The following PCDHGA4 variants were observed in gnomAD, a reference collection of about 807,000 sequenced individuals.
PCDHGA4 encodes protocadherin gamma subfamily A, 4, also known as protocadherin gamma-A4.
Under a neutral mutation model 54.6 loss-of-function variants are expected in PCDHGA4, and 38 were observed. The ratio of observed to expected loss-of-function variants is 0.70; its 90% CI spans 0.54 to 0.91. PCDHGA4 has a LOEUF of 0.91. Ranked by LOEUF, PCDHGA4 falls within the 40% of genes least tolerant of loss-of-function variation. The probability of loss-of-function intolerance (pLI) is 0.00; values close to 1 mark genes in which losing one functional copy is unlikely to be tolerated. For missense variants in PCDHGA4, 1,298 were observed against 1,220.9 expected (o/e 1.06, Z -0.94); for synonymous variants, 511 against 512.9 (o/e 1.00, Z 0.05).
chr5:141,473,988 G>A (rs1006988447), intron 1 of PCDHGA4, among the ~76,000 whole-genome samples: 1 of 152,118 alleles, frequency 6.6e-6, no homozygotes, highest in African/African-American at 2.4e-5. Flanking sequence ...AGGATCCCTT[G>A]AGCCCAAGGA....
chr5:141,436,035 A>G (rs957896521), intron 1 of PCDHGA4, among the ~76,000 whole-genome samples: 3 of 152,178 alleles, frequency 2.0e-5, no homozygotes, highest in Non-Finnish European at 4.4e-5. Flanking sequence ...CTAAATTTGT[A>G]TTTACATTAG....
At chr5:141,387,320 A>C (rs1461293740) in intron 1 of PCDHGA4, among the ~76,000 whole-genome samples, 1 of 152,234 alleles carries the variant, frequency 6.6e-6, no homozygotes, top group East Asian at 1.9e-4. Flanking sequence ...ATGAGTAAGT[A>C]TGGAAAATTA....
At position 141,432,716 on chromosome 5, in the gene PCDHGA4, C is replaced by A; in HGVS notation, c.2515-62091C>A. 6.2e-7 allele frequency: 1 copy of A among 1,614,030 alleles called. No individual in the cohort carries two copies. The highest frequency in any genetic ancestry group is 1.1e-5 in the South Asian group (1 of 91,084). ...GGCCGTCCAGGACCACGGCCAGCCC[C>A]CTCTCTCCGCCACTGTCACGCTCAC... On this transcript the variant is annotated intron_variant, in intron 1 of 3. Transcript: ENST00000571252. This position sits in a 1 kb window ranked among gnomAD's most constrained non-coding sequence, Gnocchi z 6.0.
intron 1 of PCDHGA4, chr5:141,389,400 AGCGC>A (rs2150385005): frequency 1.2e-6 from 2 of 1,613,622 alleles, no homozygotes; most frequent in African/African-American, 2.7e-5. Flanking sequence ...CGTGTCCATA[AGCGC>A]GGAGAGCGGG....
At chr5:141,464,413 A>G (rs2099083422) in intron 1 of PCDHGA4, among the ~76,000 whole-genome samples, 1 of 151,632 alleles carries the variant, frequency 6.6e-6, no homozygotes, top group African/African-American at 2.4e-5. Context: ...ATATATATAT[A>G]TCTATATATA....
chr5:141,389,785 A>ACGCCGTCCGCCAGCGCCTTCTGGT (rs780757695), intron 1 of PCDHGA4: 1 of 1,613,332 alleles, frequency 6.2e-7, no homozygotes, highest in South Asian at 1.1e-5. Flanking sequence ...GGCGACAGGG[A>ACGCCGTCCGCCAGCGCCTTCTGGT]CGCCGTCCGC....
At chr5:141,363,465 C>T (rs1176309581) in intron 1 of PCDHGA4, among the ~76,000 whole-genome samples, 1 of 152,220 alleles carries the variant, frequency 6.6e-6, no homozygotes, top group Non-Finnish European at 1.5e-5. Flanking sequence ...CAAGTATCTG[C>T]TCATGCTTTC....
At chr5:141,410,846 TGTC>T (rs1025068052) in intron 1 of PCDHGA4, 5 of 423,660 alleles carry the variant, frequency 1.2e-5, no homozygotes, top group South Asian at 4.0e-5. Flanking sequence ...ATTTTGTCTT[TGTC>T]TTTTTTTTTT....
chr5:141,372,735 C>T, intron 1 of PCDHGA4: 1 of 1,613,346 alleles, frequency 6.2e-7, no homozygotes, highest in African/African-American at 1.3e-5. Flanking sequence ...ACAAGATCTT[C>T]TATGTGATGA....
In PCDHGA4 at chr5:141,356,712, T is replaced by C; in HGVS notation, c.1605T>C (p.Tyr535=). The part of the protein sequence containing the change: ...DTFQGAPLSS[Y]VSINSNTGIL... Reference sequence around the variant, plus strand: ...TCCAGGGTGCACCTCTGTCCTCCTATGTCTCCATCAACTCCAATACAGGGA... The same window carrying C: ...TCCAGGGTGCACCTCTGTCCTCCTACGTCTCCATCAACTCCAATACAGGGA... The change falls in exon 1 of 4, where the codon TAT becomes TAC. Residue 535 remains tyrosine, a synonymous_variant. Coordinates refer to ENST00000571252, the MANE Select transcript of PCDHGA4 (RefSeq NM_018917.4). 3 of 1,614,032 alleles carry C rather than the reference T, an allele frequency of 1.9e-6. No homozygotes were observed. The highest frequency in any genetic ancestry group is 1.7e-6 in the Non-Finnish European group (2 of 1,179,878).
chr5:141,376,438 T>C lies in PCDHGA4; in HGVS notation c.2514+18817T>C, dbSNP rs752669729. 6.2e-6 allele frequency: 10 copies of C among 1,614,058 alleles called. No homozygotes were observed. The Admixed American group carries it at 8.3e-5, about 13-fold the overall frequency. On this transcript the variant is annotated intron_variant, in intron 1 of 3. Coordinates refer to ENST00000571252, the MANE Select transcript of PCDHGA4 (RefSeq NM_018917.4). ...ACACGCTTATCAACCAGGAGAGCTA[T>C]GAGAAAAGCGAGCCTCTTCTGATAA...
intron 1 of PCDHGA4, chr5:141,422,767 G>T: frequency 6.2e-7 from 1 of 1,613,786 alleles, no homozygotes; most frequent in Non-Finnish European, 8.5e-7. Context: ...CAACACTGGT[G>T]TTCTCTATGC....
chr5:141,399,639 C>A lies in PCDHGA4; in HGVS notation c.2514+42018C>A, dbSNP rs1405309490. On this transcript the variant is annotated intron_variant, in intron 1 of 3. Transcript: ENST00000571252. ...CACTGGCCTCTTACGTGTCCATGAG[C>A]GCGCAAAGTGGGGTGGTGTTCGCGC... 5 of 1,613,858 alleles carry A rather than the reference C, an allele frequency of 3.1e-6. No individual in the cohort carries two copies. The highest frequency in any genetic ancestry group is 3.4e-6 in the Non-Finnish European group (4 of 1,179,886).
At chr5:141,365,047 G>C in intron 1 of PCDHGA4, 2 of 1,613,804 alleles carry the variant, frequency 1.2e-6, no homozygotes, top group Non-Finnish European at 1.7e-6. Context: ...ACGACAATGC[G>C]CCCCTGTTCA....
intron 1 of PCDHGA4, among the ~76,000 whole-genome samples, chr5:141,456,460 C>G (rs1444956833): frequency 6.6e-6 from 1 of 152,002 alleles, no homozygotes; most frequent in East Asian, 1.9e-4. Context: ...AATATCAATA[C>G]AAGACATATA....
In PCDHGA4 at chr5:141,432,782, C is replaced by A. The variant is rs547164205; in HGVS notation, c.2515-62025C>A. 6.2e-7 allele frequency: 1 copy of A among 1,614,164 alleles called. No homozygotes were observed. Among genetic ancestry groups the A allele is most frequent in the African/African-American group, 1.3e-5 (1 of 75,052 alleles). ...CAGCATCCCCCAAGTCCTGGCGGAC[C>A]TCGGCAGCCTCGAGTCTCCAGCTAA... On this transcript the variant is annotated intron_variant, in intron 1 of 3. Coordinates refer to ENST00000571252, the MANE Select transcript of PCDHGA4 (RefSeq NM_018917.4). This position sits in a 1 kb window ranked among gnomAD's most constrained non-coding sequence, Gnocchi z 6.0.
intron 1 of PCDHGA4, chr5:141,366,183 C>T (rs1265107316): frequency 6.2e-7 from 1 of 1,613,986 alleles, no homozygotes; most frequent in South Asian, 1.1e-5. Context: ...GGACTCTTTG[C>T]GGTTGGGCTG....
chr5:141,431,502 G>A lies in PCDHGA4; in HGVS notation c.2515-63305G>A, dbSNP rs749812839. ...CCAGCGTTTGCTCAGCCCGAGTACC[G>A]CGCGAGCGTTCCGGAGAATCTGGCC... On this transcript the variant is annotated intron_variant, in intron 1 of 3. Coordinates refer to ENST00000571252, the MANE Select transcript of PCDHGA4 (RefSeq NM_018917.4). This position sits in a 1 kb window ranked among gnomAD's most constrained non-coding sequence, Gnocchi z 4.8. 6 of 1,614,008 alleles carry A rather than the reference G, an allele frequency of 3.7e-6. No homozygotes were observed. In the East Asian group the frequency reaches 6.7e-5, roughly 18 times the overall value.
At chr5:141,366,052 C>G in intron 1 of PCDHGA4, 4 of 1,614,248 alleles carry the variant, frequency 2.5e-6, no homozygotes, top group Non-Finnish European at 3.4e-6. Flanking sequence ...GTTCCACGGG[C>G]GTGGAGCTGG....
Sources: allele counts gnomAD v4.1 joint callset (sites outside exome capture counted in the v4.1 genomes callset), GRCh38; gene constraint gnomAD v4.1.1; non-coding constraint Gnocchi (gnomAD v3.1); transcripts MANE v1.5; gene names NCBI Gene and HGNC (gene_info 2026-07-23, HGNC 2026-07-21).